Variants in CNOT8 observed in about 807,000 individuals in gnomAD.
CNOT8 encodes the protein CAF1-like protein.
In CNOT8, 18 loss-of-function variants were observed where a neutral mutation model predicts 34.6. That is an observed-to-expected ratio of 0.52 (90% CI 0.36 to 0.77). The LOEUF (loss-of-function observed/expected upper bound fraction) is 0.77, where lower values mean the gene tolerates loss of function less well. Among genes scored for constraint, CNOT8 ranks in the 30% least tolerant of loss-of-function variants. The pLI, the probability that CNOT8 is intolerant of heterozygous loss-of-function variation, is 0.00. For missense variants in CNOT8, 189 were observed against 347.9 expected (o/e 0.54, Z 3.63); for synonymous variants, 101 against 118.8 (o/e 0.85, Z 0.98).
chr5:154,874,963 C>T (rs1405181027), intron 6 of CNOT8, among the ~76,000 whole-genome samples: 1 of 151,920 alleles, frequency 6.6e-6, no homozygotes, highest in African/African-American at 2.4e-5. Flanking sequence ...GTTGCCCAGG[C>T]TGGAGTGCAG....
intron 1 of CNOT8, among the ~76,000 whole-genome samples, chr5:154,860,255 G>A (rs970619454): frequency 4.6e-5 from 7 of 152,140 alleles, no homozygotes; most frequent in Non-Finnish European, 7.3e-5. Flanking sequence ...TGGAGCATGT[G>A]CTTACAAAGT....
chr5:154,866,755 A>T (rs1338119219), intron 3 of CNOT8, among the ~76,000 whole-genome samples: 2 of 152,092 alleles, frequency 1.3e-5, no homozygotes, highest in Non-Finnish European at 2.9e-5. Flanking sequence ...TCTACTAAAA[A>T]TAAAAAAATT....
chr5:154,860,857 G>T (rs1028903140), intron 1 of CNOT8, among the ~76,000 whole-genome samples: 5 of 152,142 alleles, frequency 3.3e-5, no homozygotes, highest in Non-Finnish European at 7.3e-5. Context: ...TATAACAGTG[G>T]TTAGCTTTTT....
At chr5:154,860,225 C>T (rs1284603417) in intron 1 of CNOT8, among the ~76,000 whole-genome samples, 4 of 152,158 alleles carry the variant, frequency 2.6e-5, no homozygotes, top group Non-Finnish European at 5.9e-5. Context: ...GGAAGACAAA[C>T]CCCTATCTTA....
chr5:154,872,726 G>A, intron 6 of CNOT8, 75 bp downstream of exon 6: 1 of 676,536 alleles, frequency 1.5e-6, no homozygotes, highest in Non-Finnish European at 2.5e-6. Context: ...TGGATGGTCT[G>A]TTATGTGGGC....
At chr5:154,874,646 G>GC (rs999397533) in intron 6 of CNOT8, among the ~76,000 whole-genome samples, 13 of 151,814 alleles carry the variant, frequency 8.6e-5, no homozygotes, top group African/African-American at 3.1e-4. Flanking sequence ...ACAATTCTCT[G>GC]CCTCAGCCTC....
At chr5:154,868,268 C>CT (rs543872202) in intron 3 of CNOT8, among the ~76,000 whole-genome samples, 3,741 of 103,892 alleles carry the variant, frequency 0.036, 97 homozygotes, top group East Asian at 0.12. Flanking sequence ...CTTTTCTTTT[C>CT]TTTTTTTTTT....
At position 154,875,989 on chromosome 5, in the gene CNOT8, T is replaced by C. The variant is rs1022114880; in HGVS notation, c.*550T>C. Reference sequence around the variant, plus strand: ...TTCCTCACACTTTTGTAGTCTCTCTTTACATATTACTATATGGAAATGAAT... The same window carrying C: ...TTCCTCACACTTTTGTAGTCTCTCTCTACATATTACTATATGGAAATGAAT... On this transcript the variant is annotated 3_prime_UTR_variant, in exon 7 of 7. Coordinates refer to ENST00000285896, the MANE Select transcript of CNOT8 (RefSeq NM_001301073.2). 2.0e-5 allele frequency: 3 copies of C among 153,004 alleles called. No homozygotes were observed. The highest frequency in any genetic ancestry group is 4.8e-5 in the African/African-American group (2 of 41,456). 9.5% of individuals were successfully genotyped at this position (153,004 alleles called of 1,614,324 possible). A position where few individuals can be genotyped will look rare whatever the true frequency, so the allele number is the denominator to read the frequency against.
chr5:154,861,492 G>A (rs1475645309), intron 1 of CNOT8, among the ~76,000 whole-genome samples: 2 of 152,168 alleles, frequency 1.3e-5, no homozygotes, highest in Non-Finnish European at 2.9e-5. Context: ...GTTTTGTTTT[G>A]CTCCAGATTC....
At position 154,870,650 on chromosome 5, in the gene CNOT8, T is replaced by C; in HGVS notation, c.312-11T>C. Reference sequence around the variant, plus strand: ...ATTCACCAGTTAATAAATAAACACCTTGTTTTTTAGAGAGGACATGTACTC... The same window carrying C: ...ATTCACCAGTTAATAAATAAACACCCTGTTTTTTAGAGAGGACATGTACTC... On this transcript the variant is annotated splice_polypyrimidine_tract_variant and intron_variant, in intron 3 of 6. Transcript: ENST00000285896. 1 of 1,606,816 alleles carries C rather than the reference T, an allele frequency of 6.2e-7. No homozygotes were observed. The highest frequency in any genetic ancestry group is 1.1e-5 in the South Asian group (1 of 90,010).
Position 154,875,499 on chromosome 5 carries a change from G to T in CNOT8, c.*60G>T. ...GAGTGGTGCTTACTGTGCTGACTGT[G>T]TACTTATCTTCCCCAAGAGAAAATG... On this transcript the variant is annotated 3_prime_UTR_variant, in exon 7 of 7. Transcript: ENST00000285896. 6.4e-7 allele frequency: 1 copy of T among 1,572,972 alleles called. No homozygotes were observed.
chr5:154,859,134 G>T (rs1761083877), intron 1 of CNOT8: 1 of 152,306 alleles, frequency 6.6e-6, no homozygotes, highest in Admixed American at 6.5e-5. Flanking sequence ...TTCGAACTTA[G>T]TTATCTTAGT....
Position 154,865,181 on chromosome 5 carries a change from TCC to T in CNOT8, c.118-10_118-9del. The T allele has an allele frequency of 1.3e-6, 2 of 1,541,982 alleles. No individual in the cohort carries two copies. Among genetic ancestry groups the T allele is most frequent in the Non-Finnish European group, 1.7e-6 (2 of 1,147,576 alleles). On this transcript the variant is annotated splice_polypyrimidine_tract_variant and intron_variant, in intron 2 of 6. Coordinates refer to ENST00000285896, the MANE Select transcript of CNOT8 (RefSeq NM_001301073.2). Reference sequence around the variant, plus strand: ...TGAAACCTTGTGATGAGAGACTTTTTCCTTTTCCAGGACACAGAATTTCCAGG... The same window carrying T: ...TGAAACCTTGTGATGAGAGACTTTTTTTTTCCAGGACACAGAATTTCCAGG...
At chr5:154,869,434 T>G (rs1467060584) in intron 3 of CNOT8, among the ~76,000 whole-genome samples, 2 of 150,518 alleles carry the variant, frequency 1.3e-5, no homozygotes, top group Admixed American at 6.6e-5. Context: ...GGTTTTTTTT[T>G]TTTTTTTTTT....
At chr5:154,871,120 G>C (rs942302841) in intron 4 of CNOT8, among the ~76,000 whole-genome samples, 1 of 152,060 alleles carries the variant, frequency 6.6e-6, no homozygotes, top group African/African-American at 2.4e-5. Flanking sequence ...TGGCTGTCTC[G>C]GAGTTTCTTA....
At chr5:154,866,459 A>G (rs1255743630) in intron 3 of CNOT8, among the ~76,000 whole-genome samples, 2 of 152,138 alleles carry the variant, frequency 1.3e-5, no homozygotes, top group Non-Finnish European at 1.5e-5. Flanking sequence ...TTGAGGTTCA[A>G]GTAATTTTGG....
intron 3 of CNOT8, among the ~76,000 whole-genome samples, chr5:154,865,676 C>T (rs1436571658): frequency 6.6e-6 from 1 of 152,174 alleles, no homozygotes; most frequent in Non-Finnish European, 1.5e-5. Flanking sequence ...ATTGGGATAC[C>T]ACTTCACACC....
At chr5:154,871,900 G>C (rs371488446) in intron 5 of CNOT8, 26 bp downstream of exon 5, 2 of 1,589,768 alleles carry the variant, frequency 1.3e-6, no homozygotes, top group African/African-American at 2.7e-5. Flanking sequence ...CTTAATACCA[G>C]TAACAAAAAG....
intron 5 of CNOT8, 118 bp from the exon 6 acceptor site, chr5:154,872,419 TTAAA>T: frequency 3.6e-6 from 2 of 561,870 alleles, no homozygotes; most frequent in African/African-American, 1.9e-5. Flanking sequence ...CTAAGGCCTG[TTAAA>T]TAAATGGCCT....
Sources: gnomAD v4.1 joint callset for allele counts (sites outside exome capture counted in the v4.1 genomes callset) on GRCh38, gnomAD v4.1.1 for gene constraint, MANE v1.5 for transcripts, NCBI Gene and HGNC (gene_info 2026-07-23, HGNC 2026-07-21) for gene names.